Variants in TRPM2 observed in about 807,000 individuals in gnomAD.
TRPM2 encodes transient receptor potential cation channel subfamily M member 2.
A neutral mutation model predicts 174.0 loss-of-function variants in TRPM2; 161 were observed. The ratio of observed to expected loss-of-function variants is 0.93; its 90% confidence interval spans 0.81 to 1.05. The LOEUF (loss-of-function observed/expected upper bound fraction) is 1.05. Ranked by LOEUF, TRPM2 falls within the 50% of genes least tolerant of loss-of-function variation. The pLI is 0.00. For synonymous variants in TRPM2, 954 were observed against 861.3 expected (o/e 1.11, Z -1.88); for missense variants, 2,057 against 2,038.0 (o/e 1.01, Z -0.18).
intron 12 of TRPM2, 21 bp from the exon 13 acceptor site, chr21:44,397,726 G>T: frequency 1.3e-6 from 2 of 1,549,398 alleles, no homozygotes; most frequent in South Asian, 1.2e-5. Context: ...TTAGTCTCAC[G>T]GTGGCTCCTC....
rs954483086 is a variant in TRPM2 at position 44,425,955 on chromosome 21, G to A, written c.3795+128G>A. The A allele has an allele frequency of 3.6e-5, 44 of 1,233,330 alleles. No homozygotes were observed. In the African/African-American group the frequency reaches 3.7e-4, roughly 10 times the overall value. 76.4% of individuals were successfully genotyped at this position (1,233,330 alleles called of 1,614,324 possible). ...ACTGCAGCCACAGGGGGATCTGTGC[G>A]TCTGGCAGCCCCTGTTTGACATTTG... is the stretch of plus-strand genomic sequence containing the variant. On this transcript the variant is annotated intron_variant, in intron 25 of 31. Transcript: ENST00000397928.
chr21:44,426,915 G>T (rs1317106336), intron 26 of TRPM2, 95 bp from the exon 27 acceptor site: 16 of 1,401,356 alleles, frequency 1.1e-5, no homozygotes, highest in Non-Finnish European at 7.8e-6. Context: ...GCAGCTACTC[G>T]GCTGGGCCCT....
chr21:44,425,837 T>C lies in TRPM2; in HGVS notation c.3795+10T>C, dbSNP rs1320961670. The C allele has an allele frequency of 1.3e-6, 2 of 1,552,450 alleles. No homozygotes were observed. Among genetic ancestry groups the C allele is most frequent in the Admixed American group, 1.8e-5 (1 of 55,634 alleles). On this transcript the variant is annotated intron_variant, in intron 25 of 31. Coordinates refer to ENST00000397928, the MANE Select transcript of TRPM2 (RefSeq NM_003307.4). ...GAAGGTGCCCTGGGAGGTGAGCGCC[T>C]GCCCAAGCCCAACCAGGCGGAGTGG...
At chr21:44,409,559 A>G (rs2776381) in intron 19 of TRPM2, among the ~76,000 whole-genome samples, 61,253 of 94,502 alleles carry the variant, frequency 0.65, 19,298 homozygotes, top group East Asian at 0.73. Flanking sequence ...CTTGGTTGGC[A>G]TAGCCTTGTA....
At chr21:44,428,652 T>A (rs2050908809) in intron 27 of TRPM2, among the ~76,000 whole-genome samples, 1 of 139,892 alleles carries the variant, frequency 7.1e-6, no homozygotes, top group Non-Finnish European at 1.5e-5. Flanking sequence ...CTCCCTGAGG[T>A]GTGGCTCCTC....
In TRPM2 at chr21:44,439,430, G is replaced by T. The variant is rs1418200218; in HGVS notation, c.4269+262G>T. Among the ~76,000 whole-genome samples, 1 of 152,146 alleles carries T rather than the reference G, an allele frequency of 6.6e-6. No homozygotes were observed. The highest frequency in any genetic ancestry group is 1.5e-5 in the Non-Finnish European group (1 of 68,030). ...CTCCTCTCTAAATCAAGGGGGATGG[G>T]CTGAGGACCCTTGCTGCCTTCGAGT... On this transcript the variant is annotated intron_variant, in intron 30 of 31. Coordinates refer to ENST00000397928, the MANE Select transcript of TRPM2 (RefSeq NM_003307.4). This position sits in a 1 kb window ranked among gnomAD's most constrained non-coding sequence, Gnocchi z 5.1.
In TRPM2 at chr21:44,379,055, G is replaced by A. The variant is rs1212502618; in HGVS notation, c.1073G>A (p.Arg358His). 1.2e-5 allele frequency: 19 copies of A among 1,611,536 alleles called. No homozygotes were observed. Among genetic ancestry groups the A allele is most frequent in the East Asian group, 2.2e-5 (1 of 44,874 alleles). Residue 358 changes from arginine (R) to histidine (H), a missense_variant, in exon 8 of 32, where the codon CGC (arginine) becomes CAC (histidine). Arg to His is a conservative substitution (Grantham distance 29, BLOSUM62 0). Coordinates refer to ENST00000397928, the MANE Select transcript of TRPM2 (RefSeq NM_003307.4). ...TGTGTGGTTGTGGAGGGCTCGGGCCGCGTGGCCGACGTCATTGCCCAGGTG... is the reference window on the plus strand; with the variant it reads ...TGTGTGGTTGTGGAGGGCTCGGGCCACGTGGCCGACGTCATTGCCCAGGTG... ...TPCVVVEGSGRVADVIAQVAN... is the reference protein window; with the variant it reads ...TPCVVVEGSGHVADVIAQVAN...
rs1157018379 is a variant in TRPM2 at position 44,366,436 on chromosome 21, C to T, written c.424-318C>T. Among the ~76,000 whole-genome samples the T allele has an allele frequency of 6.6e-6, 1 of 151,940 alleles. No individual in the cohort carries two copies. Among genetic ancestry groups the T allele is most frequent in the African/African-American group, 2.4e-5 (1 of 41,342 alleles). ...GCGGGAATTGGAGTCTGTGCTGGCG[C>T]ATGTTTGGGAGGCGCTCCCAAAATC... On this transcript the variant is annotated intron_variant, in intron 3 of 31. Transcript: ENST00000397928. The surrounding 1 kb of genome is among the most constrained non-coding windows in gnomAD (Gnocchi z 6.0).
Position 44,441,922 on chromosome 21 carries a change from C to A in TRPM2, c.*105C>A. ...GGACTCAGGCTGTTCCTGGGCCCTG[C>A]ACATGATGGGGTTTGGTGGACCCAG... is the stretch of plus-strand genomic sequence containing the variant. On this transcript the variant is annotated 3_prime_UTR_variant, in exon 32 of 32. Coordinates refer to ENST00000397928, the MANE Select transcript of TRPM2 (RefSeq NM_003307.4). 1 of 1,411,254 alleles carries A rather than the reference C, an allele frequency of 7.1e-7. No individual in the cohort carries two copies. The highest frequency in any genetic ancestry group is 9.3e-7 in the Non-Finnish European group (1 of 1,078,926). The allele number at this position is 1,411,254 out of a possible 1,614,324, so 87.4% of individuals were successfully genotyped here. A position where few individuals can be genotyped will look rare whatever the true frequency, so the allele number is the denominator to read the frequency against.
At position 44,353,835 on chromosome 21, in the gene TRPM2, G is replaced by C. The variant is rs770180377; in HGVS notation, c.135G>C (p.Arg45Ser). 1 of 1,601,008 alleles carries C rather than the reference G, an allele frequency of 6.2e-7. No homozygotes were observed. Among genetic ancestry groups the C allele is most frequent in the Non-Finnish European group, 8.5e-7 (1 of 1,174,716 alleles). The change falls in exon 1 of 32, where the codon AGG becomes AGC. Residue 45 changes from arginine to serine, a missense_variant. Transcript: ENST00000397928. ...ACAGCAGCCTCTTCAAGAGCTGGAGGCTACAGTGCCCCTTCGGCAACAATG... is the reference window on the plus strand; with the variant it reads ...ACAGCAGCCTCTTCAAGAGCTGGAGCCTACAGTGCCCCTTCGGCAACAATG... ...RSNSSLFKSW[R>S]LQCPFGNNDK...
At chr21:44,400,125 T>G in intron 14 of TRPM2, 134 bp from the exon 15 acceptor site, 2 of 696,344 alleles carry the variant, frequency 2.9e-6, no homozygotes, top group Non-Finnish European at 4.7e-6. Flanking sequence ...GCTCTGTGTC[T>G]TCACCACTTT....
At chr21:44,425,423 G>A in intron 24 of TRPM2, 1 of 449,334 alleles carries the variant, frequency 2.2e-6, no homozygotes, top group Non-Finnish European at 3.9e-6. Context: ...TCATTGCCGA[G>A]GGCCCTGACT....
At chr21:44,374,380 G>A (rs1223703545) in intron 5 of TRPM2, among the ~76,000 whole-genome samples, 1 of 152,292 alleles carries the variant, frequency 6.6e-6, no homozygotes, top group Admixed American at 6.5e-5. Flanking sequence ...GTGGAAGAGA[G>A]TTTTTCCACA....
At chr21:44,382,399 G>A (rs1458593985) in intron 8 of TRPM2, among the ~76,000 whole-genome samples, 1 of 152,210 alleles carries the variant, frequency 6.6e-6, no homozygotes, top group Non-Finnish European at 1.5e-5. Context: ...AGGTAGGCAG[G>A]TGGTGAGGAG....
At chr21:44,356,066 C>T (rs1311505912) in intron 2 of TRPM2, among the ~76,000 whole-genome samples, 14 of 141,646 alleles carry the variant, frequency 9.9e-5, no homozygotes, top group Middle Eastern at 3.5e-3. Context: ...ATTTTTGGGC[C>T]GGGCGCGGTG....
At position 44,423,693 on chromosome 21, in the gene TRPM2, G is replaced by A. The variant is rs776902030; in HGVS notation, c.3510G>A (p.Ser1170=). 2.0e-5 allele frequency: 32 copies of A among 1,612,228 alleles called. No individual in the cohort carries two copies. The highest frequency in any genetic ancestry group is 8.0e-5 in the African/African-American group (6 of 74,898). Residue 1170 remains serine, a synonymous_variant, in exon 23 of 32, where the codon TCG becomes TCA. Transcript: ENST00000397928. ...DLLDLDPLKR[S]GSMEQRLASL... The stretch of plus-strand genomic sequence containing the variant: ...TGGACCTGGACCCACTGAAGAGGTC[G>A]GGCTCCATGGAGCAGAGGTTGGCCT...
rs1262556170 is a variant in TRPM2, at chr21:44,439,936, T to C, written c.4269+768T>C. Among the ~76,000 whole-genome samples the C allele has an allele frequency of 6.6e-6, 1 of 151,980 alleles. No individual in the cohort carries two copies. The highest frequency in any genetic ancestry group is 1.5e-5 in the Non-Finnish European group (1 of 67,972). The stretch of plus-strand genomic sequence containing the variant: ...CAGGGTTTGGCCATGTTGCCCAGGC[T>C]GGTCATGAACTGGGCTCAAGCGATC... On this transcript the variant is annotated intron_variant, in intron 30 of 31. Transcript: ENST00000397928. This position sits in a 1 kb window ranked among gnomAD's most constrained non-coding sequence, Gnocchi z 5.1.
At chr21:44,401,961 G>A (rs2049635751) in intron 16 of TRPM2, 64 bp downstream of exon 16, 6 of 1,578,562 alleles carry the variant, frequency 3.8e-6, no homozygotes, top group African/African-American at 1.3e-5. Context: ...CATTCTCATA[G>A]GGGACCCATG....
intron 9 of TRPM2, among the ~76,000 whole-genome samples, chr21:44,385,089 C>G (rs2146221313): frequency 6.6e-6 from 1 of 152,272 alleles, no homozygotes; most frequent in Admixed American, 6.5e-5. Context: ...TACACTATGA[C>G]TACATGAGAT....
Sources: allele counts gnomAD v4.1 joint callset (sites outside exome capture counted in the v4.1 genomes callset), GRCh38; gene constraint gnomAD v4.1.1; non-coding constraint Gnocchi (gnomAD v3.1); transcripts MANE v1.5; gene names NCBI Gene and HGNC (gene_info 2026-07-23, HGNC 2026-07-21).